SLC44A3: variants seen among roughly 807,000 people sequenced by gnomAD.
SLC44A3 encodes choline transporter-like protein 3.
SLC44A3 carries 74 observed loss-of-function variants against 75.4 expected under a neutral mutation model. The ratio of observed to expected loss-of-function variants is 0.98; its 90% confidence interval spans 0.81 to 1.19. The LOEUF is 1.19. SLC44A3 is among the 50% of genes most tolerant of loss of function. The pLI is 0.00. For synonymous variants in SLC44A3, 310 were observed against 296.9 expected (o/e 1.04, Z -0.45); for missense variants, 700 against 778.6 (o/e 0.90, Z 1.20).
chr1:94,863,414 ATG>A (rs1557858113), intron 10 of SLC44A3, among the ~76,000 whole-genome samples: 1 of 152,136 alleles, frequency 6.6e-6, no homozygotes. Context: ...CCTATGAATC[ATG>A]TGTTTCCCTA....
intron 9 of SLC44A3, among the ~76,000 whole-genome samples, chr1:94,847,236 A>T (rs1371342310): frequency 6.6e-6 from 1 of 152,244 alleles, no homozygotes; most frequent in Non-Finnish European, 1.5e-5. Context: ...ATGCCAGCCT[A>T]GTTCTCTAGC....
At chr1:94,834,720 A>G (rs1347664696) in intron 5 of SLC44A3, among the ~76,000 whole-genome samples, 1 of 152,052 alleles carries the variant, frequency 6.6e-6, no homozygotes. Flanking sequence ...CCTGACCTCA[A>G]GTGATCCACT....
At chr1:94,839,835 G>A (rs1663342274) in intron 6 of SLC44A3, 113 bp from the exon 7 acceptor site, 1 of 767,380 alleles carries the variant, frequency 1.3e-6, no homozygotes, top group African/African-American at 1.7e-5. Flanking sequence ...TTTAGAGATT[G>A]AATACAATCC....
chr1:94,882,903 T>C (rs1669151818), intron 12 of SLC44A3, among the ~76,000 whole-genome samples: 1 of 148,424 alleles, frequency 6.7e-6, no homozygotes, highest in Non-Finnish European at 1.5e-5. Flanking sequence ...AGGTGATATC[T>C]AGGATGCCTT....
intron 9 of SLC44A3, among the ~76,000 whole-genome samples, chr1:94,845,976 G>A (rs1250361177): frequency 2.0e-5 from 3 of 151,978 alleles, no homozygotes; most frequent in Admixed American, 1.3e-4. Flanking sequence ...GTGAAACCCC[G>A]TCTGTACTAA....
chr1:94,855,930 T>C (rs192750106), intron 9 of SLC44A3, among the ~76,000 whole-genome samples: 7 of 152,298 alleles, frequency 4.6e-5, no homozygotes, highest in Non-Finnish European at 8.8e-5. Flanking sequence ...TTAAAATCCA[T>C]AGTGGGAAAA....
At chr1:94,826,275 G>C (rs925213879) in intron 3 of SLC44A3, among the ~76,000 whole-genome samples, 6 of 152,224 alleles carry the variant, frequency 3.9e-5, no homozygotes, top group Non-Finnish European at 7.3e-5. Flanking sequence ...ACAGATTTCA[G>C]TTTGGGAAGA....
intron 12 of SLC44A3, among the ~76,000 whole-genome samples, 158 bp downstream of exon 12, chr1:94,867,575 C>G (rs576818930): frequency 1.3e-5 from 2 of 152,280 alleles, no homozygotes; most frequent in Admixed American, 1.3e-4. Context: ...CTCAATTCTG[C>G]CATCATGGCA....
At chr1:94,846,015 C>T (rs771580943) in intron 9 of SLC44A3, among the ~76,000 whole-genome samples, 28 of 152,008 alleles carry the variant, frequency 1.8e-4, no homozygotes, top group Non-Finnish European at 4.0e-4. Context: ...GGCGTGGTGG[C>T]GTGCACCTGT....
chr1:94,848,093 G>C (rs987305520), intron 9 of SLC44A3, among the ~76,000 whole-genome samples: 2 of 152,146 alleles, frequency 1.3e-5, no homozygotes, highest in Non-Finnish European at 2.9e-5. Context: ...GCCGGGCGTG[G>C]TGGCGGGCGC....
chr1:94,868,726 A>T (rs959583972), intron 12 of SLC44A3, among the ~76,000 whole-genome samples: 3 of 152,276 alleles, frequency 2.0e-5, no homozygotes, highest in African/African-American at 7.2e-5. Flanking sequence ...AAACATATAG[A>T]TAGACTAGAA....
chr1:94,894,465 G>A (rs576501986), intron 14 of SLC44A3, among the ~76,000 whole-genome samples: 35 of 152,164 alleles, frequency 2.3e-4, no homozygotes, highest in South Asian at 6.2e-4. Context: ...AACACACCTG[G>A]ACAGACTTTT....
chr1:94,894,939 CTG>C lies in SLC44A3; in HGVS notation c.*19_*20del. 1 of 1,578,718 alleles carries C rather than the reference CTG, an allele frequency of 6.3e-7. No homozygotes were observed. The highest frequency in any genetic ancestry group is 8.7e-7 in the Non-Finnish European group (1 of 1,154,504). ...GTGAGATAGATACCCATTTAGGTAT[CTG>C]TACCTGGAAAACATTTCCTTCTAAG... On this transcript the variant is annotated 3_prime_UTR_variant, in exon 15 of 15. Transcript: ENST00000271227.
At chr1:94,891,066 A>C in intron 12 of SLC44A3, 64 bp from the exon 13 acceptor site, 1 of 1,452,134 alleles carries the variant, frequency 6.9e-7, no homozygotes, top group Non-Finnish European at 9.4e-7. Context: ...ACTCTGTATT[A>C]ATATATTGCC....
intron 12 of SLC44A3, among the ~76,000 whole-genome samples, chr1:94,881,037 C>T (rs1468735547): frequency 6.6e-6 from 1 of 152,106 alleles, no homozygotes; most frequent in Non-Finnish European, 1.5e-5. Flanking sequence ...GACCCCGTCT[C>T]AAGAGAAAGA....
At chr1:94,856,097 T>C (rs1665834694) in intron 9 of SLC44A3, among the ~76,000 whole-genome samples, 1 of 152,180 alleles carries the variant, frequency 6.6e-6, no homozygotes, top group Admixed American at 6.5e-5. Flanking sequence ...AAGCAGGGTA[T>C]AGCCACGTGA....
intron 11 of SLC44A3, among the ~76,000 whole-genome samples, chr1:94,865,228 C>G (rs1384410085): frequency 6.6e-6 from 1 of 152,000 alleles, no homozygotes; most frequent in Non-Finnish European, 1.5e-5. Context: ...GAAATTTAAA[C>G]AAGTTTTTTT....
chr1:94,845,282 T>C lies in SLC44A3; in HGVS notation c.890T>C (p.Val297Ala), dbSNP rs1571250196. ...FAIVSTGITAVLLVLIFVLRK... is the reference protein window; with the variant it reads ...FAIVSTGITAALLVLIFVLRK... ...CTCAAATCCCTTTCTCACCAGGCAGTGCTGCTCGTCTTGATTTTTGTTCTC... is the reference window on the plus strand; with the variant it reads ...CTCAAATCCCTTTCTCACCAGGCAGCGCTGCTCGTCTTGATTTTTGTTCTC... The change falls in exon 9 of 15, where the codon GTG becomes GCG. Residue 297 changes from valine (V) to alanine (A), a missense_variant. Physicochemically the swap from Val to Ala is moderately conservative, Grantham distance 64 (BLOSUM62 0). Transcript: ENST00000271227. The C allele has an allele frequency of 6.2e-7, 1 of 1,607,790 alleles. No homozygotes were observed. The highest frequency in any genetic ancestry group is 1.1e-5 in the South Asian group (1 of 89,936).
intron 6 of SLC44A3, among the ~76,000 whole-genome samples, chr1:94,839,335 GA>G (rs981731823): frequency 6.6e-6 from 1 of 151,844 alleles, no homozygotes; most frequent in Non-Finnish European, 1.5e-5. Context: ...GGACTTGTAA[GA>G]AAAAAAGATT....
Sources: gnomAD v4.1 joint callset for allele counts (sites outside exome capture counted in the v4.1 genomes callset) on GRCh38, gnomAD v4.1.1 for gene constraint, MANE v1.5 for transcripts, NCBI Gene and HGNC (gene_info 2026-07-23, HGNC 2026-07-21) for gene names.